The following IKZF2 variants were observed in gnomAD, a reference collection of about 807,000 sequenced individuals.
The protein encoded by IKZF2 is IKAROS family zinc finger 2, also known as zinc finger protein Helios.
IKZF2 carries 15 observed loss-of-function variants against 49.2 expected under a neutral mutation model. The observed-to-expected ratio is 0.30, with a 90% CI of 0.20 to 0.47. The LOEUF is 0.47. Ranked by LOEUF, IKZF2 falls within the 20% of genes least tolerant of loss-of-function variation. The pLI, the probability that IKZF2 is intolerant of heterozygous loss-of-function variation, is 1.00. For missense variants in IKZF2, 567 were observed against 664.6 expected, an observed-to-expected ratio of 0.85 and a Z score of 1.61; for synonymous variants, 227 against 221.4, an observed-to-expected ratio of 1.03 and a Z score of -0.23.
intron 4 of IKZF2, among the ~76,000 whole-genome samples, chr2:213,067,120 T>A (rs1702236764): frequency 6.6e-6 from 1 of 152,084 alleles, no homozygotes; most frequent in Non-Finnish European, 1.5e-5. Flanking sequence ...GTTTCAATTT[T>A]CTCATCTATA....
At chr2:213,096,203 A>G (rs769714226) in intron 4 of IKZF2, among the ~76,000 whole-genome samples, 16 of 152,002 alleles carry the variant, frequency 1.1e-4, no homozygotes, top group Non-Finnish European at 2.1e-4. Flanking sequence ...TAGCCAGAGA[A>G]TAGGAAATAT....
At chr2:213,031,027 C>T (rs1368282185) in intron 6 of IKZF2, among the ~76,000 whole-genome samples, 25 of 152,056 alleles carry the variant, frequency 1.6e-4, no homozygotes, top group African/African-American at 5.8e-4. Flanking sequence ...GGTTTCACCA[C>T]GTTGGCCAGG....
chr2:213,020,840 T>C (rs1463293412), intron 7 of IKZF2, among the ~76,000 whole-genome samples: 1 of 152,124 alleles, frequency 6.6e-6, no homozygotes, highest in African/African-American at 2.4e-5. Context: ...AGCCAATACA[T>C]AGATATTTAT....
At chr2:213,024,903 T>C (rs958906813) in intron 6 of IKZF2, among the ~76,000 whole-genome samples, 2 of 152,116 alleles carry the variant, frequency 1.3e-5, no homozygotes, top group Non-Finnish European at 2.9e-5. Flanking sequence ...ATCTTTAAAG[T>C]AATACATAAT....
At chr2:213,046,495 T>A (rs1241094604) in intron 6 of IKZF2, among the ~76,000 whole-genome samples, 1 of 152,164 alleles carries the variant, frequency 6.6e-6, no homozygotes, top group African/African-American at 2.4e-5. Flanking sequence ...GACTATGGTG[T>A]TTACAGGTCC....
intron 4 of IKZF2, among the ~76,000 whole-genome samples, chr2:213,080,264 T>G (rs1703799681): frequency 6.6e-6 from 1 of 152,150 alleles, no homozygotes; most frequent in South Asian, 2.1e-4. Flanking sequence ...GAGATTCTTT[T>G]GCCCACCCAT....
At chr2:213,102,469 C>T (rs1706804570) in intron 4 of IKZF2, among the ~76,000 whole-genome samples, 1 of 152,100 alleles carries the variant, frequency 6.6e-6, no homozygotes, top group South Asian at 2.1e-4. Context: ...ATTCACAATT[C>T]ACCAAGACAA....
chr2:213,121,090 G>GA (rs1444233362), intron 4 of IKZF2, among the ~76,000 whole-genome samples: 2 of 151,844 alleles, frequency 1.3e-5, no homozygotes, highest in Non-Finnish European at 2.9e-5. Context: ...CTCTTTAAAG[G>GA]AAAAAATGCA....
intron 4 of IKZF2, among the ~76,000 whole-genome samples, chr2:213,077,531 AT>A (rs146415683): frequency 0.087 from 12,853 of 148,036 alleles, 998 homozygotes; most frequent in African/African-American, 0.21. Flanking sequence ...TGTTTTTTAA[AT>A]TTTTTTAATT....
At chr2:213,097,019 T>C (rs1046592137) in intron 4 of IKZF2, among the ~76,000 whole-genome samples, 1 of 152,014 alleles carries the variant, frequency 6.6e-6, no homozygotes, top group East Asian at 1.9e-4. Flanking sequence ...AAAAGTTTTT[T>C]TGAAAAACGC....
At chr2:213,025,939 C>G (rs1401336179) in intron 6 of IKZF2, among the ~76,000 whole-genome samples, 1 of 152,124 alleles carries the variant, frequency 6.6e-6, no homozygotes, top group Non-Finnish European at 1.5e-5. Context: ...AATCAACGTC[C>G]TAGTTCAGGC....
chr2:213,117,004 T>A (rs1446990110), intron 4 of IKZF2, among the ~76,000 whole-genome samples: 1 of 152,188 alleles, frequency 6.6e-6, no homozygotes, highest in African/African-American at 2.4e-5. Context: ...TACCTCGTAA[T>A]TTGTACTCAA....
At chr2:213,058,813 T>C (rs565202071) in intron 4 of IKZF2, among the ~76,000 whole-genome samples, 47 of 151,956 alleles carry the variant, frequency 3.1e-4, no homozygotes, top group African/African-American at 1.1e-3. Flanking sequence ...CCCATAAACA[T>C]GGCAAAGAAA....
intron 4 of IKZF2, among the ~76,000 whole-genome samples, chr2:213,135,120 C>T (rs1287461550): frequency 6.6e-6 from 1 of 152,024 alleles, no homozygotes; most frequent in Non-Finnish European, 1.5e-5. Flanking sequence ...TAGCAACATT[C>T]GAGGGAATTT....
At chr2:213,109,765 G>A (rs1293884271) in intron 4 of IKZF2, among the ~76,000 whole-genome samples, 1 of 151,852 alleles carries the variant, frequency 6.6e-6, no homozygotes, top group South Asian at 2.1e-4. Flanking sequence ...ACATAAGCAA[G>A]GTAAAATATC....
At chr2:213,057,173 T>A in intron 4 of IKZF2, 74 bp from the exon 5 acceptor site, 1 of 1,301,108 alleles carries the variant, frequency 7.7e-7, no homozygotes, top group Non-Finnish European at 1.1e-6. Context: ...TTTCTACTCA[T>A]TGTCATCCTA....
intron 4 of IKZF2, among the ~76,000 whole-genome samples, chr2:213,080,198 A>ATAGATAGATAGATAGGTAGG (rs142164690): frequency 6.6e-6 from 1 of 151,732 alleles, no homozygotes; most frequent in African/African-American, 2.4e-5. Flanking sequence ...AGATAGATAG[A>ATAGATAGATAGATAGGTAGG]TAGATAGATA....
intron 4 of IKZF2, among the ~76,000 whole-genome samples, chr2:213,087,368 C>T (rs1704748373): frequency 6.6e-6 from 1 of 152,000 alleles, no homozygotes. Flanking sequence ...AATTCAAAAT[C>T]CTGATTTTAA....
chr2:213,125,576 G>A (rs2060232407), intron 4 of IKZF2, among the ~76,000 whole-genome samples: 1 of 152,078 alleles, frequency 6.6e-6, no homozygotes, highest in African/African-American at 2.4e-5. Context: ...AGAGCAATTT[G>A]GCCACACTTT....
Sources: allele counts gnomAD v4.1 joint callset (sites outside exome capture counted in the v4.1 genomes callset), GRCh38; gene constraint gnomAD v4.1.1; transcripts MANE v1.5; gene names NCBI Gene and HGNC (gene_info 2026-07-23, HGNC 2026-07-21).